TNS4: variants seen among roughly 807,000 people sequenced by gnomAD.
The protein encoded by TNS4 is tensin-4.
Under a neutral mutation model 70.4 loss-of-function variants are expected in TNS4, and 46 were observed. That is an observed-to-expected ratio of 0.65 (90% confidence interval 0.52 to 0.84). The LOEUF (loss-of-function observed/expected upper bound fraction) is 0.84. Among genes scored for constraint, TNS4 ranks in the 40% least tolerant of loss-of-function variants. TNS4 has a pLI of 0.00. For synonymous variants in TNS4, 390 were observed against 366.6 expected, an observed-to-expected ratio of 1.06 and a Z score of -0.73; for missense variants, 863 against 907.0, an observed-to-expected ratio of 0.95 and a Z score of 0.62.
intron 2 of TNS4, among the ~76,000 whole-genome samples, chr17:40,493,225 T>C (rs111869666): frequency 6.6e-6 from 1 of 152,202 alleles, no homozygotes; most frequent in African/African-American, 2.4e-5. Flanking sequence ...CAATGTTTAA[T>C]TTTTAAATTC....
At chr17:40,480,265 T>C (rs1287275962) in intron 9 of TNS4, among the ~76,000 whole-genome samples, 1 of 152,192 alleles carries the variant, frequency 6.6e-6, no homozygotes, top group African/African-American at 2.4e-5. Context: ...GAACAGTCAC[T>C]GAGACAAGTG....
At chr17:40,499,296 A>ACG (rs1397754232) in intron 1 of TNS4, among the ~76,000 whole-genome samples, 1 of 151,954 alleles carries the variant, frequency 6.6e-6, no homozygotes, top group Non-Finnish European at 1.5e-5. Flanking sequence ...ACCCTCTCAC[A>ACG]CGCACCCCCT....
At chr17:40,494,687 G>A (rs1037183092) in intron 2 of TNS4, among the ~76,000 whole-genome samples, 4 of 145,510 alleles carry the variant, frequency 2.7e-5, no homozygotes, top group African/African-American at 5.1e-5. Context: ...AGCCGAGATC[G>A]TGCTGTTGCA....
intron 10 of TNS4, among the ~76,000 whole-genome samples, chr17:40,479,449 C>T (rs537809379): frequency 6.6e-5 from 10 of 152,286 alleles, no homozygotes; most frequent in South Asian, 2.1e-4. Flanking sequence ...GCCCGGCCCC[C>T]GTTAACTCCA....
chr17:40,481,162 G>C (rs917716727), intron 8 of TNS4, among the ~76,000 whole-genome samples: 1 of 152,000 alleles, frequency 6.6e-6, no homozygotes, highest in African/African-American at 2.4e-5. Context: ...TCCAGAAACA[G>C]CCCTTCTCGA....
At chr17:40,481,459 G>A (rs774409084) in intron 8 of TNS4, among the ~76,000 whole-genome samples, 5 of 152,108 alleles carry the variant, frequency 3.3e-5, no homozygotes, top group Admixed American at 6.6e-5. Context: ...CTGCCTCCCC[G>A]GCTCAAGTGA....
intron 9 of TNS4, 101 bp from the exon 10 acceptor site, chr17:40,479,943 A>T: frequency 7.2e-7 from 1 of 1,396,140 alleles, no homozygotes. Context: ...TCAGGAATCC[A>T]GTGGAGCTCC....
chr17:40,480,048 C>T (rs1264433306), intron 9 of TNS4: 12 of 616,522 alleles, frequency 1.9e-5, no homozygotes, highest in Middle Eastern at 8.9e-4. Flanking sequence ...GGCTTTGCAT[C>T]GCCCTGGCCC....
At chr17:40,489,698 G>A (rs915637488) in intron 2 of TNS4, among the ~76,000 whole-genome samples, 2 of 150,034 alleles carry the variant, frequency 1.3e-5, no homozygotes, top group African/African-American at 2.5e-5. Context: ...GGGAGGCTGA[G>A]GTACAAGAAT....
At chr17:40,489,401 A>C (rs909061400) in intron 2 of TNS4, among the ~76,000 whole-genome samples, 22 of 152,124 alleles carry the variant, frequency 1.4e-4, no homozygotes, top group Admixed American at 2.6e-4. Context: ...AGGTGCTTAA[A>C]AACTGGGCAA....
chr17:40,501,227 A>C (rs2036210759), intron 1 of TNS4, among the ~76,000 whole-genome samples: 2 of 152,238 alleles, frequency 1.3e-5, no homozygotes, highest in African/African-American at 4.8e-5. Flanking sequence ...TGGGAGGATC[A>C]CCTGAGGTCA....
At chr17:40,478,722 T>A in intron 10 of TNS4, 74 bp from the exon 11 acceptor site, 1 of 1,538,012 alleles carries the variant, frequency 6.5e-7, no homozygotes, top group Non-Finnish European at 9.0e-7. Flanking sequence ...GCATCTCTCG[T>A]TCCCCCCAAG....
intron 1 of TNS4, among the ~76,000 whole-genome samples, chr17:40,500,195 A>G (rs906231957): frequency 1.3e-5 from 2 of 152,082 alleles, no homozygotes; most frequent in African/African-American, 4.8e-5. Context: ...TGCTTCACAT[A>G]TTTAAGAACC....
chr17:40,489,755 A>ACTGCACTC (rs1204856474), intron 2 of TNS4, among the ~76,000 whole-genome samples: 1 of 142,868 alleles, frequency 7.0e-6, no homozygotes, highest in Non-Finnish European at 1.5e-5. Context: ...AGATTGCGCC[A>ACTGCACTC]CTGCACTCCA....
intron 1 of TNS4, among the ~76,000 whole-genome samples, chr17:40,498,091 G>T (rs2036167954): frequency 6.6e-6 from 1 of 152,106 alleles, no homozygotes; most frequent in Non-Finnish European, 1.5e-5. Flanking sequence ...CTTTGCTGCT[G>T]GTCCCCAGCC....
chr17:40,480,365 C>T (rs2035905683), intron 9 of TNS4, among the ~76,000 whole-genome samples: 1 of 152,046 alleles, frequency 6.6e-6, no homozygotes, highest in African/African-American at 2.4e-5. Context: ...CATAGAGGAT[C>T]CCAGACCCAG....
chr17:40,494,999 G>A (rs1383430850), intron 2 of TNS4, among the ~76,000 whole-genome samples: 1 of 152,008 alleles, frequency 6.6e-6, no homozygotes, highest in Non-Finnish European at 1.5e-5. Flanking sequence ...GAAGCCAGAT[G>A]TAGGAATTTC....
chr17:40,501,329 C>A (rs1208160053), intron 1 of TNS4, among the ~76,000 whole-genome samples: 1 of 150,082 alleles, frequency 6.7e-6, no homozygotes, highest in Non-Finnish European at 1.5e-5. Context: ...CATCTGTAAT[C>A]CCTGTTACTT....
chr17:40,482,231 A>T, intron 7 of TNS4, 25 bp from the exon 8 acceptor site: 1 of 1,614,114 alleles, frequency 6.2e-7, no homozygotes, highest in East Asian at 2.2e-5. Flanking sequence ...GCAGCCCTGC[A>T]TGAGTAGAGC....
Sources: allele counts gnomAD v4.1 joint callset (sites outside exome capture counted in the v4.1 genomes callset), GRCh38; gene constraint gnomAD v4.1.1; transcripts MANE v1.5; gene names NCBI Gene and HGNC (gene_info 2026-07-23, HGNC 2026-07-21).